OSBPL3: variants seen among roughly 807,000 people sequenced by gnomAD.
The protein encoded by OSBPL3 is oxysterol binding protein like 3.
Under a neutral mutation model 120.1 loss-of-function variants are expected in OSBPL3, and 65 were observed. That is an observed-to-expected ratio of 0.54 (90% CI 0.44 to 0.67). The LOEUF is 0.67. Ranked by LOEUF, OSBPL3 falls within the 30% of genes least tolerant of loss-of-function variation. OSBPL3 has a pLI of 0.00. For synonymous variants in OSBPL3, 416 were observed against 402.6 expected, an observed-to-expected ratio of 1.03 and a Z score of -0.40; for missense variants, 1,004 against 1,082.1, an observed-to-expected ratio of 0.93 and a Z score of 1.01.
At chr7:24,919,761 C>G (rs1355737262) in intron 1 of OSBPL3, among the ~76,000 whole-genome samples, 1 of 150,818 alleles carries the variant, frequency 6.6e-6, no homozygotes, top group Non-Finnish European at 1.5e-5. Context: ...TGCCAATCAT[C>G]TGATATGGGT....
intron 1 of OSBPL3, among the ~76,000 whole-genome samples, chr7:24,901,260 G>T (rs764952792): frequency 3.3e-5 from 5 of 152,006 alleles, no homozygotes; most frequent in Admixed American, 6.5e-5. Context: ...CCAGGAGGTG[G>T]AGCTGAGATG....
chr7:24,847,861 G>A (rs1798630360), intron 12 of OSBPL3, among the ~76,000 whole-genome samples: 2 of 152,212 alleles, frequency 1.3e-5, no homozygotes, highest in Admixed American at 6.5e-5. Context: ...TCAAGGCGCC[G>A]TAAGTAATGT....
At chr7:24,919,245 T>A (rs890810910) in intron 1 of OSBPL3, among the ~76,000 whole-genome samples, 1 of 152,156 alleles carries the variant, frequency 6.6e-6, no homozygotes, top group African/African-American at 2.4e-5. Flanking sequence ...AGTCACACTT[T>A]GTGATTTCAA....
chr7:24,962,820 C>T (rs111807121), intron 1 of OSBPL3, among the ~76,000 whole-genome samples: 2,555 of 152,298 alleles, frequency 0.017, 69 homozygotes, highest in African/African-American at 0.058. Flanking sequence ...TTCTTTTACA[C>T]TGTCCTTATG....
At chr7:24,889,284 G>A (rs1014108180) in intron 2 of OSBPL3, among the ~76,000 whole-genome samples, 6 of 152,210 alleles carry the variant, frequency 3.9e-5, no homozygotes, top group African/African-American at 1.4e-4. Flanking sequence ...TCACTTACAT[G>A]TGGAATCTAA....
Position 24,866,099 on chromosome 7 carries a change from C to T in OSBPL3, c.520G>A (p.Gly174Arg). ...SGSTITDSSS[G>R]VFDSISSRKR... is the part of the protein sequence containing the mutation. ...CTACTTGAAATGGAGTCAAACACCC[C>T]AGATGAAGAGTCTGTGATGGTGGAC... The change falls in exon 6 of 23, where the codon GGG (glycine) becomes AGG (arginine). Residue 174 changes from glycine to arginine, a missense_variant. Coordinates refer to ENST00000313367, the MANE Select transcript of OSBPL3 (RefSeq NM_015550.4). The T allele has an allele frequency of 1.2e-6, 2 of 1,613,906 alleles. No homozygotes were observed. The highest frequency in any genetic ancestry group is 1.1e-5 in the South Asian group (1 of 91,074).
intron 12 of OSBPL3, among the ~76,000 whole-genome samples, chr7:24,845,384 T>TTAAAAAAAAAAAAAA (rs1798287457): frequency 1.6e-5 from 1 of 62,264 alleles, no homozygotes; most frequent in Non-Finnish European, 2.8e-5. Context: ...GCAAAATAAG[T>TTAAAAAAAAAAAAAA]AAAAAAAAAA....
chr7:24,929,315 T>C (rs77346120), intron 1 of OSBPL3, among the ~76,000 whole-genome samples: 4,751 of 152,308 alleles, frequency 0.031, 165 homozygotes, highest in African/African-American at 0.066. Context: ...ATCAGGGTCG[T>C]TGTCGTAAAT....
chr7:24,906,042 C>G (rs1233529670), intron 1 of OSBPL3: 1 of 152,724 alleles, frequency 6.5e-6, no homozygotes, highest in African/African-American at 2.4e-5. Flanking sequence ...AGAAAACACC[C>G]AGAGTCACAG....
At position 24,804,299 on chromosome 7, in the gene OSBPL3, C is replaced by G. The variant is rs780935101; in HGVS notation, c.2567+16G>C. On this transcript the variant is annotated intron_variant, in intron 22 of 22. Transcript: ENST00000313367. This position sits in a 1 kb window ranked among gnomAD's most constrained non-coding sequence, Gnocchi z 5.4. Reference sequence around the variant, plus strand: ...ACCACCTATCAACCAAAAACCTACTCAATCCAGGCACGAACCTGAAAAACC... The same window carrying G: ...ACCACCTATCAACCAAAAACCTACTGAATCCAGGCACGAACCTGAAAAACC... 2 of 1,614,112 alleles carry G rather than the reference C, an allele frequency of 1.2e-6. No homozygotes were observed. The highest frequency in any genetic ancestry group is 1.7e-5 in the Admixed American group (1 of 60,020).
rs771763616 is a variant in OSBPL3 at position 24,834,461 on chromosome 7, T to C, written c.1746+25A>G. On this transcript the variant is annotated intron_variant, in intron 15 of 22. Coordinates refer to ENST00000313367, the MANE Select transcript of OSBPL3 (RefSeq NM_015550.4). The surrounding 1 kb of genome is among the most constrained non-coding windows in gnomAD (Gnocchi z 5.2). ...TGGCTTGGGGACCGAGGCTGGACAG[T>C]GGCAAGGGAAGGCTGACTCCTCACC... 18 of 1,595,822 alleles carry C rather than the reference T, an allele frequency of 1.1e-5. No individual in the cohort carries two copies. The highest frequency in any genetic ancestry group is 1.3e-5 in the Non-Finnish European group (15 of 1,170,014).
Position 24,833,671 on chromosome 7 carries a change from C to T in OSBPL3, c.1746+815G>A, listed in dbSNP as rs1466043581. On this transcript the variant is annotated intron_variant, in intron 15 of 22. Transcript: ENST00000313367. The surrounding 1 kb of genome is among the most constrained non-coding windows in gnomAD (Gnocchi z 4.4). ...GGGGGACACTGCTGTCCCAGCATCC[C>T]ATAGAGACAATGACCTTACTGCTCT... is the stretch of plus-strand genomic sequence containing the variant. Among the ~76,000 whole-genome samples the T allele has an allele frequency of 6.6e-6, 1 of 152,142 alleles. No individual in the cohort carries two copies. The highest frequency in any genetic ancestry group is 6.5e-5 in the Admixed American group (1 of 15,284).
rs536956618 is a variant in OSBPL3 at position 24,936,725 on chromosome 7, T to G, written c.-150+43161A>C. On this transcript the variant is annotated intron_variant, in intron 1 of 22. Coordinates refer to ENST00000313367, the MANE Select transcript of OSBPL3 (RefSeq NM_015550.4). This position sits in a 1 kb window ranked among gnomAD's most constrained non-coding sequence, Gnocchi z 4.2. ...ACAGGTATGTAGAAGTTAGGGAAGA[T>G]GTGAAGGGATATGATTCTGGAAACA... Among the ~76,000 whole-genome samples, 1 of 152,270 alleles carries G rather than the reference T, an allele frequency of 6.6e-6. No homozygotes were observed. The highest frequency in any genetic ancestry group is 1.9e-4 in the East Asian group (1 of 5,190).
In OSBPL3 at chr7:24,862,436, T is replaced by C. The variant is rs141662483; in HGVS notation, c.871-667A>G. Among the ~76,000 whole-genome samples the C allele has an allele frequency of 6.6e-6, 1 of 152,312 alleles. No individual in the cohort carries two copies. The highest frequency in any genetic ancestry group is 2.4e-5 in the African/African-American group (1 of 41,560). On this transcript the variant is annotated intron_variant, in intron 9 of 22. Transcript: ENST00000313367. This position sits in a 1 kb window ranked among gnomAD's most constrained non-coding sequence, Gnocchi z 4.4. ...TCCAGGCGGTTAGTAATGGATAGGT[T>C]TAAAATGCTTTTCTTTGCACCTAGG...
At chr7:24,954,567 C>T (rs1236491875) in intron 1 of OSBPL3, among the ~76,000 whole-genome samples, 1 of 151,352 alleles carries the variant, frequency 6.6e-6, no homozygotes. Flanking sequence ...TCAATTCTCA[C>T]ACAAATCAGA....
Position 24,923,672 on chromosome 7 carries a change from G to A in OSBPL3, c.-149-31051C>T, listed in dbSNP as rs553838412. 1.1e-4 allele frequency among the ~76,000 whole-genome samples: 17 copies of A among 152,326 alleles called. No individual in the cohort carries two copies. In the South Asian group the frequency reaches 3.5e-3, roughly 32 times the overall value. On this transcript the variant is annotated intron_variant, in intron 1 of 22. Coordinates refer to ENST00000313367, the MANE Select transcript of OSBPL3 (RefSeq NM_015550.4). ...ACAGGCAGACAGACAGCACGCACAT[G>A]CAATGAGACAGGGGCAGGCAAATAG...
Position 24,967,101 on chromosome 7 carries a change from C to T in OSBPL3, c.-150+12785G>A, listed in dbSNP as rs152. Reference sequence around the variant, plus strand: ...TGTATTCACAGGTCATCTACATTATCTCAAATTTTTATGGTAATTTTTCCT... The same window carrying T: ...TGTATTCACAGGTCATCTACATTATTTCAAATTTTTATGGTAATTTTTCCT... On this transcript the variant is annotated intron_variant, in intron 1 of 22. Coordinates refer to ENST00000313367, the MANE Select transcript of OSBPL3 (RefSeq NM_015550.4). This position sits in a 1 kb window ranked among gnomAD's most constrained non-coding sequence, Gnocchi z 5.6. Among the ~76,000 whole-genome samples, 20,774 of 152,200 alleles carry T rather than the reference C, an allele frequency of 0.14. 1,493 individuals are homozygous for T. The highest frequency in any genetic ancestry group is 0.18 in the East Asian group (952 of 5,172).
rs926322323 is a variant in OSBPL3, at chr7:24,867,764, A to G, written c.382-1527T>C. ...CTAATACAATATGTTAATGAATGTG[A>G]AAGTTATTTAAAAAAACATTTCTCC... On this transcript the variant is annotated intron_variant, in intron 5 of 22. Transcript: ENST00000313367. The surrounding 1 kb of genome is among the most constrained non-coding windows in gnomAD (Gnocchi z 4.5). 6.6e-6 allele frequency among the ~76,000 whole-genome samples: 1 copy of G among 152,212 alleles called. No individual in the cohort carries two copies. The highest frequency in any genetic ancestry group is 6.5e-5 in the Admixed American group (1 of 15,284).
rs961948314 is a variant in OSBPL3, at chr7:24,867,449, G to T, written c.382-1212C>A. 5.3e-5 allele frequency among the ~76,000 whole-genome samples: 8 copies of T among 152,162 alleles called. No individual in the cohort carries two copies. The highest frequency in any genetic ancestry group is 1.4e-4 in the African/African-American group (6 of 41,444). On this transcript the variant is annotated intron_variant, in intron 5 of 22. Transcript: ENST00000313367. The surrounding 1 kb of genome is among the most constrained non-coding windows in gnomAD (Gnocchi z 4.5). ...CTGAATTCCCACATTTTGTGGGAGG[G>T]ACCTGGTCAGTGAGAGGTAACTGGA... is the stretch of plus-strand genomic sequence containing the variant.
Sources: allele counts gnomAD v4.1 joint callset (sites outside exome capture counted in the v4.1 genomes callset), GRCh38; gene constraint gnomAD v4.1.1; non-coding constraint Gnocchi (gnomAD v3.1); transcripts MANE v1.5; gene names NCBI Gene and HGNC (gene_info 2026-07-23, HGNC 2026-07-21).